Variants in PLGRKT observed in about 807,000 individuals in gnomAD.
The protein encoded by PLGRKT is plasminogen receptor (KT).
A neutral mutation model predicts 18.5 loss-of-function variants in PLGRKT; 22 were observed. The observed-to-expected ratio is 1.19, with a 90% CI of 0.85 to 1.70. The LOEUF (loss-of-function observed/expected upper bound fraction) is 1.70. PLGRKT is among the 40% of genes most tolerant of loss of function. The pLI, the probability that PLGRKT is intolerant of heterozygous loss-of-function variation, is 0.00. For synonymous variants in PLGRKT, 72 were observed against 52.8 expected, an observed-to-expected ratio of 1.36 and a Z score of -1.58; for missense variants, 235 against 174.4, an observed-to-expected ratio of 1.35 and a Z score of -1.96.
intron 5 of PLGRKT, among the ~76,000 whole-genome samples, 193 bp downstream of exon 5, chr9:5,360,885 C>T (rs1563763974): frequency 6.6e-6 from 1 of 152,140 alleles, no homozygotes; most frequent in African/African-American, 2.4e-5. Context: ...GAAAATGTAG[C>T]GATTGGTTCT....
chr9:5,427,057 T>G (rs1014816206), intron 3 of PLGRKT, among the ~76,000 whole-genome samples: 4 of 152,216 alleles, frequency 2.6e-5, no homozygotes. Flanking sequence ...GAGTTACCCA[T>G]GGTCAACCTC....
At chr9:5,438,312 GTC>G, upstream of PLGRKT, among the ~76,000 whole-genome samples, 1 of 152,132 alleles carries the variant, frequency 6.6e-6, no homozygotes, top group East Asian at 1.9e-4. Context: ...AATAAGCCAC[GTC>G]TCTCTCCCAG....
intron 3 of PLGRKT, among the ~76,000 whole-genome samples, chr9:5,399,866 C>T (rs1166719408): frequency 6.6e-6 from 1 of 151,602 alleles, no homozygotes; most frequent in African/African-American, 2.4e-5. Context: ...TGGTGCACGC[C>T]TGTCATCCCA....
At chr9:5,436,806 T>C (rs1434913074) in intron 1 of PLGRKT, 112 bp from the exon 2 acceptor site, 1 of 152,226 alleles carries the variant, frequency 6.6e-6, no homozygotes, top group Non-Finnish European at 1.5e-5. Flanking sequence ...TTTCCCAAAG[T>C]CTGGGAATAT....
At chr9:5,358,463 G>T in intron 5 of PLGRKT, 103 bp from the exon 6 acceptor site, 1 of 910,622 alleles carries the variant, frequency 1.1e-6, no homozygotes, top group Non-Finnish European at 1.7e-6. Context: ...CACCGTATGA[G>T]CCATGTCCCC....
At chr9:5,405,980 T>A (rs1278447788) in intron 3 of PLGRKT, among the ~76,000 whole-genome samples, 1 of 151,984 alleles carries the variant, frequency 6.6e-6, no homozygotes, top group African/African-American at 2.4e-5. Flanking sequence ...AAAAAAGACA[T>A]ACATGCCGCC....
chr9:5,366,311 T>A (rs1270931137), intron 3 of PLGRKT, among the ~76,000 whole-genome samples: 1 of 152,176 alleles, frequency 6.6e-6, no homozygotes, highest in Non-Finnish European at 1.5e-5. Context: ...ACAGAACATG[T>A]GCAGCAAGTT....
At chr9:5,433,163 G>A (rs1214110207) in intron 2 of PLGRKT, among the ~76,000 whole-genome samples, 1 of 149,628 alleles carries the variant, frequency 6.7e-6, no homozygotes, top group African/African-American at 2.5e-5. Context: ...CCTCTGGGAA[G>A]TGAGGAGTGC....
At position 5,400,003 on chromosome 9, in the gene PLGRKT, G is replaced by GAAAT. The variant is rs992722096; in HGVS notation, c.81+31890_81+31893dup. Among the ~76,000 whole-genome samples, 10 of 151,584 alleles carry GAAAT rather than the reference G, an allele frequency of 6.6e-5. No homozygotes were observed. In the South Asian group the frequency reaches 8.3e-4, roughly 13 times the overall value. On this transcript the variant is annotated intron_variant, in intron 3 of 5. Coordinates refer to ENST00000223864, the MANE Select transcript of PLGRKT (RefSeq NM_018465.4). ...AGACTCTGTCTCAAAAAAAATAAAT[G>GAAAT]AAATAAATAAATAAATAAAGTGTTA...
intron 5 of PLGRKT, among the ~76,000 whole-genome samples, chr9:5,360,421 C>T (rs1817237814): frequency 6.6e-6 from 1 of 152,114 alleles, no homozygotes; most frequent in Non-Finnish European, 1.5e-5. Flanking sequence ...CAGCCACAGA[C>T]AATACATAAA....
intron 3 of PLGRKT, among the ~76,000 whole-genome samples, chr9:5,407,196 A>G (rs1818273960): frequency 6.6e-6 from 1 of 152,204 alleles, no homozygotes; most frequent in South Asian, 2.1e-4. Flanking sequence ...CTCATATATA[A>G]CAAAAATTCA....
At chr9:5,362,763 C>T (rs925736204) in intron 3 of PLGRKT, among the ~76,000 whole-genome samples, 17 of 152,024 alleles carry the variant, frequency 1.1e-4, no homozygotes, top group African/African-American at 2.7e-4. Context: ...CTGGGAGGGG[C>T]GAATGATAGT....
chr9:5,409,652 G>C (rs1174405587), intron 3 of PLGRKT, among the ~76,000 whole-genome samples: 2 of 152,216 alleles, frequency 1.3e-5, no homozygotes, highest in Admixed American at 6.5e-5. Flanking sequence ...ACCTTGCAAA[G>C]CCACAGGGAT....
chr9:5,381,787 C>G (rs1242708798), intron 3 of PLGRKT: 1 of 698,918 alleles, frequency 1.4e-6, no homozygotes, highest in East Asian at 1.3e-4. Context: ...GGAAGTTGGT[C>G]TAGAAACATG....
intron 3 of PLGRKT, among the ~76,000 whole-genome samples, chr9:5,410,617 A>G (rs10975101): frequency 0.23 from 35,054 of 152,204 alleles, 4,462 homozygotes; most frequent in Non-Finnish European, 0.29. Context: ...GGTTGGGAAA[A>G]TTATGTTTTA....
In PLGRKT at chr9:5,431,042, T is replaced by A. The variant is rs576609255; in HGVS notation, c.81+855A>T. Among the ~76,000 whole-genome samples the A allele has an allele frequency of 4.7e-4, 71 of 152,316 alleles. No individual in the cohort carries two copies. The South Asian group carries it at 0.014, about 30-fold the overall frequency. ...CAACACCAATCTATTATCTTACAGT[T>A]CTAAGTTCAGAAGTCCAAAATGGGC... On this transcript the variant is annotated intron_variant, in intron 3 of 5. Transcript: ENST00000223864.
chr9:5,419,659 T>C (rs1407668034), intron 3 of PLGRKT, among the ~76,000 whole-genome samples: 2 of 151,358 alleles, frequency 1.3e-5, no homozygotes, highest in Non-Finnish European at 2.9e-5. Context: ...AAAACCAGAA[T>C]GAGATATATT....
At chr9:5,392,932 C>A (rs1357501698) in intron 3 of PLGRKT, among the ~76,000 whole-genome samples, 1 of 151,772 alleles carries the variant, frequency 6.6e-6, no homozygotes, top group Admixed American at 6.6e-5. Flanking sequence ...ACCTCCACCT[C>A]CCAGGTTCAA....
chr9:5,407,558 G>A (rs948954782), intron 3 of PLGRKT, among the ~76,000 whole-genome samples: 1 of 151,814 alleles, frequency 6.6e-6, no homozygotes, highest in Non-Finnish European at 1.5e-5. Context: ...AAATAAATTA[G>A]TATTACAATA....
Sources: gnomAD v4.1 joint callset for allele counts (sites outside exome capture counted in the v4.1 genomes callset) on GRCh38, gnomAD v4.1.1 for gene constraint, MANE v1.5 for transcripts, NCBI Gene and HGNC (gene_info 2026-07-23, HGNC 2026-07-21) for gene names.